Variants in PCDH12 observed in about 807,000 individuals in gnomAD.
The protein encoded by PCDH12 is protocadherin 12.
PCDH12 carries 45 observed loss-of-function variants against 70.9 expected under a neutral mutation model. That is an observed-to-expected ratio of 0.63 (90% CI 0.50 to 0.81). The LOEUF (loss-of-function observed/expected upper bound fraction) is 0.81, where lower values mean the gene tolerates loss of function less well. Ranked by LOEUF, PCDH12 falls within the 40% of genes least tolerant of loss-of-function variation. PCDH12 has a pLI of 0.00. For synonymous variants in PCDH12, 567 were observed against 626.0 expected (o/e 0.91, Z 1.41); for missense variants, 1,370 against 1,491.7 (o/e 0.92, Z 1.34).
chr5:141,947,900 G>A (rs769306777), intron 3 of PCDH12, among the ~76,000 whole-genome samples: 5 of 152,110 alleles, frequency 3.3e-5, no homozygotes, highest in Non-Finnish European at 5.9e-5. Flanking sequence ...TGTGCTGTGG[G>A]CAAGCAGGAC....
chr5:141,952,878 AGGAGGTCC>A (rs1210539512), intron 1 of PCDH12: 2 of 152,234 alleles, frequency 1.3e-5, no homozygotes, highest in Non-Finnish European at 2.9e-5. Flanking sequence ...TTCCTCCCTT[AGGAGGTCC>A]ACCATGCCCC....
In PCDH12 at chr5:141,956,726, CAA is replaced by C. The variant is rs776916189; in HGVS notation, c.1124_1125del (p.Leu375ArgfsTer5). The C allele has an allele frequency of 1.4e-5, 23 of 1,614,146 alleles. No individual in the cohort carries two copies. The highest frequency in any genetic ancestry group is 1.8e-5 in the Non-Finnish European group (21 of 1,180,058). ...CCTGAATCCAAGTCATCTGCCATGACAAGAGCAATAAAACTGTCCTTGGGAAG... is the reference window on the plus strand; with the variant it reads ...CCTGAATCCAAGTCATCTGCCATGACGAGCAATAAAACTGTCCTTGGGAAG... The part of the protein sequence containing the change: ...EALPKDSFIA[L>X]VMADDLDSGH... On this transcript the variant is annotated frameshift_variant, in exon 1 of 4. Coordinates refer to ENST00000231484, the MANE Select transcript of PCDH12 (RefSeq NM_016580.4). LOFTEE classifies it high-confidence loss of function.
At chr5:141,949,021 CT>C (rs2126918908) in intron 3 of PCDH12, among the ~76,000 whole-genome samples, 1 of 149,356 alleles carries the variant, frequency 6.7e-6, no homozygotes, top group African/African-American at 2.5e-5. Context: ...GGAGACCAGC[CT>C]GGGCAACAGG....
chr5:141,951,382 A>G (rs1371054379), intron 2 of PCDH12, 111 bp downstream of exon 2: 2 of 792,936 alleles, frequency 2.5e-6, no homozygotes, highest in African/African-American at 1.7e-5. Flanking sequence ...GCACCCTCCC[A>G]GGGGACCGGT....
intron 3 of PCDH12, among the ~76,000 whole-genome samples, chr5:141,946,332 C>T (rs756210815): frequency 5.3e-5 from 8 of 152,198 alleles, no homozygotes; most frequent in Non-Finnish European, 8.8e-5. Context: ...TTTAACTTCA[C>T]AAACCTTTGA....
Position 141,955,705 on chromosome 5 carries a change from A to G in PCDH12, c.2147T>C (p.Met716Thr), listed in dbSNP as rs1271316470. The change falls in exon 1 of 4, where the codon ATG (methionine) becomes ACG (threonine). Residue 716 changes from methionine to threonine, a missense_variant. Physicochemically the swap from Met to Thr is moderately conservative, Grantham distance 81 (BLOSUM62 -1). Transcript: ENST00000231484. This position sits in a 1 kb window ranked among gnomAD's most constrained non-coding sequence, Gnocchi z 5.5. ...TACAGCCAGGCAGATCACCGTCAGC[A>G]TCGACATGCTCAAGGCCCCAGGCTT... ...ARKPGALSMS[M>T]LTVICLAVLL... 1 of 1,614,158 alleles carries G rather than the reference A, an allele frequency of 6.2e-7. No homozygotes were observed. The highest frequency in any genetic ancestry group is 8.5e-7 in the Non-Finnish European group (1 of 1,180,022).
intron 3 of PCDH12, among the ~76,000 whole-genome samples, chr5:141,948,595 A>G (rs1446676839): frequency 1.3e-5 from 2 of 152,212 alleles, no homozygotes; most frequent in African/African-American, 4.8e-5. Flanking sequence ...AATTGTTAGC[A>G]TATTAAAGAG....
In PCDH12 at chr5:141,955,666, A is replaced by C. The variant is rs1040126771; in HGVS notation, c.2186T>G (p.Phe729Cys). The C allele has an allele frequency of 6.2e-7, 1 of 1,614,034 alleles. No individual in the cohort carries two copies. Among genetic ancestry groups the C allele is most frequent in the African/African-American group, 1.3e-5 (1 of 74,908 alleles). The change falls in exon 1 of 4, where the codon TTC becomes TGC. Residue 729 changes from phenylalanine (F) to cysteine (C), a missense_variant. Transcript: ENST00000231484. The surrounding 1 kb of genome is among the most constrained non-coding windows in gnomAD (Gnocchi z 5.5). ...CATGAACAAAGCCAGGATCAACCCG[A>C]AGATGCCCAACAGTACAGCCAGGCA... The part of the protein sequence containing the change: ...VICLAVLLGI[F>C]GLILALFMSI...
intron 2 of PCDH12, among the ~76,000 whole-genome samples, chr5:141,950,166 C>T (rs1032701248): frequency 2.0e-5 from 3 of 152,128 alleles, no homozygotes; most frequent in Admixed American, 1.3e-4. Context: ...AGGGTGCAGC[C>T]GGAGTGAGGC....
In PCDH12 at chr5:141,955,089, G is replaced by C. The variant is rs964316740; in HGVS notation, c.2763C>G (p.Ser921=). The C allele has an allele frequency of 6.2e-7, 1 of 1,614,220 alleles. No homozygotes were observed. The highest frequency in any genetic ancestry group is 2.2e-5 in the East Asian group (1 of 44,880). ...RRQRHLNGKV[S]PEKESGPRQI... The stretch of plus-strand genomic sequence containing the variant: ...GACGGGGCCCTGATTCTTTCTCAGG[G>C]GACACTTTGCCATTGAGATGTCGCT... Residue 921 remains serine, a synonymous_variant, in exon 1 of 4, where the codon TCC becomes TCG. Coordinates refer to ENST00000231484, the MANE Select transcript of PCDH12 (RefSeq NM_016580.4). This position sits in a 1 kb window ranked among gnomAD's most constrained non-coding sequence, Gnocchi z 5.5.
rs5871792 is a variant in PCDH12 at position 141,945,390 on chromosome 5, C to CCTGCTG, written c.3540_3545dup (p.Ser1180_Ser1181dup). 2.3e-3 allele frequency: 3,295 copies of CCTGCTG among 1,447,016 alleles called. 23 individuals are homozygous for CCTGCTG. The African/African-American group carries it at 0.027, about 12-fold the overall frequency. The allele number at this position is 1,447,016 out of a possible 1,614,324, so 89.6% of individuals were successfully genotyped here. A position where few individuals can be genotyped will look rare whatever the true frequency, so the allele number is the denominator to read the frequency against. On this transcript the variant is annotated inframe_insertion, in exon 4 of 4. Coordinates refer to ENST00000231484, the MANE Select transcript of PCDH12 (RefSeq NM_016580.4). ...GGCGTCTGAGGTATGTTCACAGGCA[C>CCTGCTG]CTGCTGCTGCTGCTGCTGCCTCTGC...
intron 1 of PCDH12, among the ~76,000 whole-genome samples, chr5:141,952,082 A>G (rs1202578419): frequency 6.6e-6 from 1 of 152,188 alleles, no homozygotes; most frequent in African/African-American, 2.4e-5. Context: ...CATTCATTCA[A>G]CAAGTACTTA....
intron 2 of PCDH12, among the ~76,000 whole-genome samples, chr5:141,949,860 C>T (rs1052692057): frequency 6.6e-6 from 1 of 152,180 alleles, no homozygotes; most frequent in African/African-American, 2.4e-5. Flanking sequence ...GAGCCTGGCA[C>T]ATTGTAAGCA....
At chr5:141,954,005 T>A (rs2126925396) in intron 1 of PCDH12, among the ~76,000 whole-genome samples, 1 of 152,308 alleles carries the variant, frequency 6.6e-6, no homozygotes, top group South Asian at 2.1e-4. Context: ...CCCACTTGTG[T>A]CTAGAAAATC....
intron 1 of PCDH12, 95 bp from the exon 2 acceptor site, chr5:141,951,685 T>C: frequency 1.1e-6 from 1 of 885,100 alleles, no homozygotes; most frequent in South Asian, 1.4e-5. Flanking sequence ...TTTCTTTTTA[T>C]AGTCTTTCCT....
intron 2 of PCDH12, among the ~76,000 whole-genome samples, chr5:141,950,571 G>T (rs796363667): frequency 9.9e-5 from 15 of 152,184 alleles, no homozygotes; most frequent in African/African-American, 3.4e-4. Context: ...GATTTTGCAG[G>T]TTGCCCAAGG....
chr5:141,949,422 G>A lies in PCDH12; in HGVS notation c.3130+10C>T. 6.2e-7 allele frequency: 1 copy of A among 1,609,120 alleles called. No individual in the cohort carries two copies. Among genetic ancestry groups the A allele is most frequent in the South Asian group, 1.1e-5 (1 of 90,348 alleles). ...GAAGCAGGGTCAAGGTAACTCCAGGGGGTCCCTACCTGTGCTGGGGTCCAG... is the reference window on the plus strand; with the variant it reads ...GAAGCAGGGTCAAGGTAACTCCAGGAGGTCCCTACCTGTGCTGGGGTCCAG... On this transcript the variant is annotated intron_variant, in intron 3 of 3. Transcript: ENST00000231484.
chr5:141,957,105 C>G lies in PCDH12; in HGVS notation c.747G>C (p.Leu249=). 4.3e-6 allele frequency: 7 copies of G among 1,614,136 alleles called. No homozygotes were observed. The highest frequency in any genetic ancestry group is 4.2e-6 in the Non-Finnish European group (5 of 1,180,016). ...CAGCATCTTCTTGGATTTCCAGTGC[C>G]AGTGAACTCTCAGCAAACGCAGGGC... is the stretch of plus-strand genomic sequence containing the variant. The part of the protein sequence containing the change: ...DNSPAFAESS[L]ALEIQEDAAP... The change falls in exon 1 of 4, where the codon CTG becomes CTC. Residue 249 remains leucine (L), a synonymous_variant. Coordinates refer to ENST00000231484, the MANE Select transcript of PCDH12 (RefSeq NM_016580.4). This position sits in a 1 kb window ranked among gnomAD's most constrained non-coding sequence, Gnocchi z 4.3.
chr5:141,954,296 C>T (rs1366593993), intron 1 of PCDH12, among the ~76,000 whole-genome samples: 1 of 152,190 alleles, frequency 6.6e-6, no homozygotes, highest in African/African-American at 2.4e-5. Context: ...TTTGCAACAC[C>T]TGGGTTTGGG....
Sources: allele counts gnomAD v4.1 joint callset (sites outside exome capture counted in the v4.1 genomes callset), GRCh38; gene constraint gnomAD v4.1.1; non-coding constraint Gnocchi (gnomAD v3.1); transcripts MANE v1.5; gene names NCBI Gene and HGNC (gene_info 2026-07-23, HGNC 2026-07-21).